KIAA0319L: variants seen among roughly 807,000 people sequenced by gnomAD.
KIAA0319L encodes the protein dyslexia-associated protein KIAA0319-like protein.
Under a neutral mutation model 120.1 loss-of-function variants are expected in KIAA0319L, and 55 were observed. The observed-to-expected ratio is 0.46, with a 90% CI of 0.37 to 0.57. The LOEUF (loss-of-function observed/expected upper bound fraction) is 0.57. Among genes scored for constraint, KIAA0319L ranks in the 20% least tolerant of loss-of-function variants. The probability of loss-of-function intolerance (pLI) is 0.00; values close to 1 mark genes in which losing one functional copy is unlikely to be tolerated. For missense variants in KIAA0319L, 1,049 were observed against 1,255.3 expected, an observed-to-expected ratio of 0.84 and a Z score of 2.48; for synonymous variants, 398 against 471.9, an observed-to-expected ratio of 0.84 and a Z score of 2.03.
At chr1:35,445,556 A>C (rs924622924) in intron 16 of KIAA0319L, among the ~76,000 whole-genome samples, 3 of 152,204 alleles carry the variant, frequency 2.0e-5, no homozygotes, top group Non-Finnish European at 2.9e-5. Flanking sequence ...TCAACTCATA[A>C]CCATTAATTG....
Position 35,481,814 on chromosome 1 carries a change from C to CTTT in KIAA0319L, c.667-2605_667-2603dup, listed in dbSNP as rs747721221. Among the ~76,000 whole-genome samples, 83 of 48,964 alleles carry CTTT rather than the reference C, an allele frequency of 1.7e-3. 5 individuals carry two copies. Among genetic ancestry groups the CTTT allele is most frequent in the African/African-American group, 5.6e-3 (70 of 12,472 alleles). 32.1% of individuals were successfully genotyped at this position (48,964 alleles called of 152,430 possible). A position where few individuals can be genotyped will look rare whatever the true frequency, so the allele number is the denominator to read the frequency against. Reference sequence around the variant, plus strand: ...ACCCTAAGCAACCATTCTGCTGTTTCTTTTTTTTTTTTTTTTTTTTTTTTT... The same window carrying CTTT: ...ACCCTAAGCAACCATTCTGCTGTTTCTTTTTTTTTTTTTTTTTTTTTTTTTTTT... On this transcript the variant is annotated intron_variant, in intron 3 of 20. Transcript: ENST00000325722.
intron 2 of KIAA0319L, 75 bp from the exon 3 acceptor site, chr1:35,507,210 C>G: frequency 7.1e-7 from 1 of 1,407,238 alleles, no homozygotes; most frequent in Non-Finnish European, 9.5e-7. Context: ...GCCCTGAGAA[C>G]CAACATTTGA....
intron 3 of KIAA0319L, among the ~76,000 whole-genome samples, chr1:35,481,018 G>A (rs1486947115): frequency 6.6e-6 from 1 of 152,032 alleles, no homozygotes; most frequent in African/African-American, 2.4e-5. Flanking sequence ...ATTAGTTTGG[G>A]TTTTCTTGTA....
At chr1:35,471,725 A>G (rs1181542223) in intron 5 of KIAA0319L, among the ~76,000 whole-genome samples, 1 of 152,152 alleles carries the variant, frequency 6.6e-6, no homozygotes, top group Non-Finnish European at 1.5e-5. Context: ...TAAGTTACTA[A>G]CCAAAAGTAA....
chr1:35,488,652 T>A (rs1352233845), intron 3 of KIAA0319L, among the ~76,000 whole-genome samples: 1 of 152,152 alleles, frequency 6.6e-6, no homozygotes, highest in African/African-American at 2.4e-5. Flanking sequence ...ACAAAGGCTG[T>A]AAGCTGATAA....
intron 2 of KIAA0319L, among the ~76,000 whole-genome samples, chr1:35,526,388 C>CATATATATATATATAT: frequency 7.9e-6 from 1 of 127,138 alleles, no homozygotes; most frequent in African/African-American, 2.8e-5. Context: ...TATATACATA[C>CATATATATATATATAT]ATATATATAT....
intron 7 of KIAA0319L, 151 bp downstream of exon 7, chr1:35,466,457 G>C (rs1457162767): frequency 1.5e-5 from 9 of 610,844 alleles, no homozygotes; most frequent in Non-Finnish European, 2.6e-5. Flanking sequence ...TCTGTATTTT[G>C]CTATTGTAAC....
intron 2 of KIAA0319L, among the ~76,000 whole-genome samples, chr1:35,541,050 T>A (rs1329887721): frequency 6.6e-6 from 1 of 151,968 alleles, no homozygotes. Flanking sequence ...CGAGCGATCC[T>A]CTTACCTCAG....
At position 35,528,900 on chromosome 1, in the gene KIAA0319L, C is replaced by CAGA. The variant is rs1334073734; in HGVS notation, c.143-21766_143-21765insTCT. Among the ~76,000 whole-genome samples, 3 of 152,152 alleles carry CAGA rather than the reference C, an allele frequency of 2.0e-5. No individual in the cohort carries two copies. The East Asian group carries it at 5.8e-4, about 29-fold the overall frequency. On this transcript the variant is annotated intron_variant, in intron 2 of 20. Coordinates refer to ENST00000325722, the MANE Select transcript of KIAA0319L (RefSeq NM_024874.5). ...TGGTTTTGACTTAAAGTCTGTTTTA[C>CAGA]CTGATACAAGTAAAGCTATTCCTGC...
rs1243098502 is a variant in KIAA0319L, at chr1:35,474,960, TTC to T, written c.914-56_914-55del. 7 of 1,009,022 alleles carry T rather than the reference TTC, an allele frequency of 6.9e-6. No homozygotes were observed. The East Asian group carries it at 7.6e-5, about 11-fold the overall frequency. The allele number at this position is 1,009,022 out of a possible 1,614,324, so 62.5% of individuals were successfully genotyped here. A position where few individuals can be genotyped will look rare whatever the true frequency, so the allele number is the denominator to read the frequency against. On this transcript the variant is annotated intron_variant, in intron 4 of 20. Coordinates refer to ENST00000325722, the MANE Select transcript of KIAA0319L (RefSeq NM_024874.5). ...AAGAAATAGATCCAGACTGTCTTAT[TTC>T]TCTCTTTCTTTTGTGATCAAACTCC...
chr1:35,496,915 C>G (rs935645891), intron 3 of KIAA0319L, among the ~76,000 whole-genome samples: 1 of 143,104 alleles, frequency 7.0e-6, no homozygotes, highest in Non-Finnish European at 1.5e-5. Context: ...CCACTGCACT[C>G]CAGCCTGAGC....
At chr1:35,492,154 G>A (rs1644619229) in intron 3 of KIAA0319L, among the ~76,000 whole-genome samples, 1 of 152,126 alleles carries the variant, frequency 6.6e-6, no homozygotes, top group African/African-American at 2.4e-5. Flanking sequence ...TATGAGGCCA[G>A]CCAATAAACA....
intron 2 of KIAA0319L, among the ~76,000 whole-genome samples, chr1:35,552,126 C>T (rs551410933): frequency 2.0e-5 from 3 of 151,916 alleles, no homozygotes; most frequent in Non-Finnish European, 2.9e-5. Context: ...GGGCAGATAA[C>T]GAGGTCAAGA....
intron 2 of KIAA0319L, among the ~76,000 whole-genome samples, chr1:35,533,830 G>C (rs1416051149): frequency 6.6e-6 from 1 of 152,148 alleles, no homozygotes; most frequent in Non-Finnish European, 1.5e-5. Context: ...TCCTCAGGGG[G>C]CACCCTCCAC....
At position 35,479,153 on chromosome 1, in the gene KIAA0319L, A is replaced by T; in HGVS notation, c.726T>A (p.Ser242=). The T allele has an allele frequency of 6.2e-7, 1 of 1,613,338 alleles. No individual in the cohort carries two copies. Among genetic ancestry groups the T allele is most frequent in the Admixed American group, 1.7e-5 (1 of 60,026 alleles). Reference sequence around the variant, plus strand: ...GCACTGATACATTCTTTGGCCCACCAGACAGCTCTGCAGTCAGGTCTGTGG... The same window carrying T: ...GCACTGATACATTCTTTGGCCCACCTGACAGCTCTGCAGTCAGGTCTGTGG... The part of the protein sequence containing the change: ...PLTTDLTAEL[S]GGPKNVSVQP... Residue 242 remains serine (S), a synonymous_variant, in exon 4 of 21, where the codon TCT becomes TCA. Transcript: ENST00000325722.
At chr1:35,504,275 C>T (rs1029943623) in intron 3 of KIAA0319L, among the ~76,000 whole-genome samples, 5 of 152,022 alleles carry the variant, frequency 3.3e-5, no homozygotes, top group Non-Finnish European at 7.4e-5. Flanking sequence ...TCGCTCACTG[C>T]AAGCTCCACC....
chr1:35,479,478 A>G (rs1644053237), intron 3 of KIAA0319L, among the ~76,000 whole-genome samples: 1 of 152,232 alleles, frequency 6.6e-6, no homozygotes, highest in Non-Finnish European at 1.5e-5. Context: ...AACAATGTAT[A>G]CTTTTACCCT....
chr1:35,464,021 C>CT (rs2149111563), intron 7 of KIAA0319L, among the ~76,000 whole-genome samples: 1 of 152,310 alleles, frequency 6.6e-6, no homozygotes, highest in African/African-American at 2.4e-5. Context: ...ACGTGCTACT[C>CT]TAAGTCCATT....
At position 35,460,450 on chromosome 1, in the gene KIAA0319L, G is replaced by GC; in HGVS notation, c.1295-14_1295-13insG. On this transcript the variant is annotated splice_polypyrimidine_tract_variant and intron_variant, in intron 8 of 20. Transcript: ENST00000325722. ...TCATCAGTGCTTTCTTGACCATAAAGAAACATCAGTTACAACATGAGAACG... is the reference window on the plus strand; with the variant it reads ...TCATCAGTGCTTTCTTGACCATAAAGCAAACATCAGTTACAACATGAGAACG... The GC allele has an allele frequency of 6.2e-7, 1 of 1,610,702 alleles. No homozygotes were observed. Among genetic ancestry groups the GC allele is most frequent in the Non-Finnish European group, 8.5e-7 (1 of 1,178,786 alleles).
Sources: gnomAD v4.1 joint callset for allele counts (sites outside exome capture counted in the v4.1 genomes callset) on GRCh38, gnomAD v4.1.1 for gene constraint, MANE v1.5 for transcripts, NCBI Gene and HGNC (gene_info 2026-07-23, HGNC 2026-07-21) for gene names.